The following HS3ST3A1 variants were observed in gnomAD, a reference collection of about 807,000 sequenced individuals.
The protein encoded by HS3ST3A1 is heparan sulfate-glucosamine 3-sulfotransferase 3A1.
A neutral mutation model predicts 25.7 loss-of-function variants in HS3ST3A1; 19 were observed. That is an observed-to-expected ratio of 0.74 (90% CI 0.52 to 1.08). HS3ST3A1 has a LOEUF of 1.08. Among genes scored for constraint, HS3ST3A1 ranks in the 50% least tolerant of loss-of-function variants. The pLI, the probability that HS3ST3A1 is intolerant of heterozygous loss-of-function variation, is 0.00. For missense variants in HS3ST3A1, 459 were observed against 594.3 expected, an observed-to-expected ratio of 0.77 and a Z score of 2.37; for synonymous variants, 226 against 278.6, an observed-to-expected ratio of 0.81 and a Z score of 1.88.
intron 1 of HS3ST3A1, among the ~76,000 whole-genome samples, chr17:13,574,629 A>T (rs1907903557): frequency 6.6e-6 from 1 of 151,862 alleles, no homozygotes; most frequent in African/African-American, 2.4e-5. Context: ...GAGGCAGGAG[A>T]ATGGCATGAA....
At chr17:13,562,190 TG>T (rs573357147) in intron 1 of HS3ST3A1, among the ~76,000 whole-genome samples, 66 of 152,166 alleles carry the variant, frequency 4.3e-4, no homozygotes, top group Non-Finnish European at 7.2e-4. Flanking sequence ...GCAGTAACTT[TG>T]GCTCTGTCTC....
intron 1 of HS3ST3A1, among the ~76,000 whole-genome samples, chr17:13,577,789 T>C (rs1193933050): frequency 6.6e-6 from 1 of 152,206 alleles, no homozygotes; most frequent in East Asian, 1.9e-4. Context: ...ATGACTACCA[T>C]TTGCATCAAG....
intron 1 of HS3ST3A1, among the ~76,000 whole-genome samples, chr17:13,511,426 A>G (rs1905857284): frequency 6.6e-6 from 1 of 152,130 alleles, no homozygotes; most frequent in South Asian, 2.1e-4. Context: ...AATCAAATTA[A>G]GTAGCTTATC....
intron 1 of HS3ST3A1, among the ~76,000 whole-genome samples, chr17:13,508,092 A>T (rs1598408671): frequency 6.6e-6 from 1 of 152,330 alleles, no homozygotes; most frequent in South Asian, 2.1e-4. Flanking sequence ...TGGATATGCA[A>T]TTCTAAGAAC....
intron 1 of HS3ST3A1, among the ~76,000 whole-genome samples, chr17:13,509,364 G>T (rs1264904855): frequency 6.6e-6 from 1 of 152,078 alleles, no homozygotes; most frequent in South Asian, 2.1e-4. Context: ...ACAATAAATA[G>T]AGAAAAATTA....
intron 1 of HS3ST3A1, among the ~76,000 whole-genome samples, chr17:13,572,590 G>A (rs949708135): frequency 6.6e-6 from 1 of 152,226 alleles, no homozygotes; most frequent in Non-Finnish European, 1.5e-5. Context: ...TGTATTGGCT[G>A]TAATTAAATC....
intron 1 of HS3ST3A1, among the ~76,000 whole-genome samples, chr17:13,538,569 G>A (rs549447197): frequency 1.5e-4 from 23 of 152,104 alleles, no homozygotes; most frequent in Non-Finnish European, 2.9e-4. Flanking sequence ...AATGAAAACC[G>A]AATGCCAGCA....
rs577710350 is a variant in HS3ST3A1 at position 13,547,672 on chromosome 17, T to C, written c.600-50854A>G. On this transcript the variant is annotated intron_variant, in intron 1 of 1. Coordinates refer to ENST00000284110, the MANE Select transcript of HS3ST3A1 (RefSeq NM_006042.3). ...TTGACAATAAACTGGTTATAATAAG[T>C]ACAGTCTTTTTTGAGTTCTGTGAGT... Among the ~76,000 whole-genome samples the C allele has an allele frequency of 8.5e-5, 13 of 152,300 alleles. No homozygotes were observed. In the South Asian group the frequency reaches 1.9e-3, roughly 22 times the overall value.
intron 1 of HS3ST3A1, among the ~76,000 whole-genome samples, chr17:13,563,894 T>A (rs944003804): frequency 6.6e-6 from 1 of 152,190 alleles, no homozygotes; most frequent in Non-Finnish European, 1.5e-5. Flanking sequence ...AAATTGCAAC[T>A]ATGAGCACCG....
chr17:13,513,339 G>T (rs1280971829), intron 1 of HS3ST3A1, among the ~76,000 whole-genome samples: 1 of 152,176 alleles, frequency 6.6e-6, no homozygotes. Context: ...GCTAGGCTCT[G>T]GGGGGAGCAG....
At chr17:13,531,547 C>T (rs1236709292) in intron 1 of HS3ST3A1, among the ~76,000 whole-genome samples, 1 of 151,326 alleles carries the variant, frequency 6.6e-6, no homozygotes, top group Non-Finnish European at 1.5e-5. Flanking sequence ...CCCACCCCCA[C>T]CCAGTTCCCA....
At chr17:13,516,915 T>C (rs1378911407) in intron 1 of HS3ST3A1, among the ~76,000 whole-genome samples, 2 of 152,076 alleles carry the variant, frequency 1.3e-5, no homozygotes, top group Non-Finnish European at 2.9e-5. Context: ...CTTGATCTCC[T>C]GACCTCGTGA....
intron 1 of HS3ST3A1, among the ~76,000 whole-genome samples, chr17:13,561,614 G>A (rs142234476): frequency 6.6e-6 from 1 of 151,998 alleles, no homozygotes; most frequent in Non-Finnish European, 1.5e-5. Flanking sequence ...GGCTGGTCTC[G>A]AACTCCTGAC....
chr17:13,587,888 T>C (rs1028906023), intron 1 of HS3ST3A1, among the ~76,000 whole-genome samples: 1 of 152,216 alleles, frequency 6.6e-6, no homozygotes, highest in Non-Finnish European at 1.5e-5. Flanking sequence ...AGTTCCAGAA[T>C]GCATGACCTA....
intron 1 of HS3ST3A1, among the ~76,000 whole-genome samples, chr17:13,567,727 G>A (rs1598428594): frequency 6.6e-6 from 1 of 152,234 alleles, no homozygotes; most frequent in African/African-American, 2.4e-5. Context: ...AGACTTAAAA[G>A]TGGAGCCTGA....
At chr17:13,595,444 C>A (rs767024618) in intron 1 of HS3ST3A1, among the ~76,000 whole-genome samples, 1 of 152,106 alleles carries the variant, frequency 6.6e-6, no homozygotes, top group African/African-American at 2.4e-5. Context: ...ATATAAATAT[C>A]CCCCAGAGAG....
At chr17:13,572,383 C>T (rs1035608788) in intron 1 of HS3ST3A1, among the ~76,000 whole-genome samples, 2 of 152,012 alleles carry the variant, frequency 1.3e-5, no homozygotes, top group African/African-American at 4.8e-5. Flanking sequence ...AGGGGGTGAC[C>T]GCTCGGACCA....
At chr17:13,510,754 G>A (rs1323109404) in intron 1 of HS3ST3A1, among the ~76,000 whole-genome samples, 1 of 151,620 alleles carries the variant, frequency 6.6e-6, no homozygotes, top group Admixed American at 6.6e-5. Context: ...ACCCAGGCTG[G>A]AGTGCAGTGG....
intron 1 of HS3ST3A1, among the ~76,000 whole-genome samples, chr17:13,561,235 G>C (rs557675091): frequency 6.6e-6 from 1 of 152,254 alleles, no homozygotes; most frequent in African/African-American, 2.4e-5. Context: ...CTAGAGGAAA[G>C]GAAGTTTGGA....
Sources: gnomAD v4.1 joint callset for allele counts (sites outside exome capture counted in the v4.1 genomes callset) on GRCh38, gnomAD v4.1.1 for gene constraint, MANE v1.5 for transcripts, NCBI Gene and HGNC (gene_info 2026-07-23, HGNC 2026-07-21) for gene names.